The following ZMAT4 variants were observed in gnomAD, a reference collection of about 807,000 sequenced individuals.
ZMAT4 encodes zinc finger matrin-type protein 4.
In ZMAT4, 17 loss-of-function variants were observed where a neutral mutation model predicts 28.7. The observed-to-expected ratio is 0.59, with a 90% CI of 0.41 to 0.89. ZMAT4 has a LOEUF of 0.89. Ranked by LOEUF, ZMAT4 falls within the 40% of genes least tolerant of loss-of-function variation. ZMAT4 has a pLI of 0.00. For synonymous variants in ZMAT4, 117 were observed against 109.2 expected (o/e 1.07, Z -0.44); for missense variants, 240 against 283.8 (o/e 0.85, Z 1.11).
chr8:40,804,110 G>A lies in ZMAT4; in HGVS notation c.102+21465C>T, dbSNP rs540718230. On this transcript the variant is annotated intron_variant, in intron 2 of 6. Coordinates refer to ENST00000297737, the MANE Select transcript of ZMAT4 (RefSeq NM_024645.3). Reference sequence around the variant, plus strand: ...AAGGGATGAACAGACAGAACACAATGGATTCTTAGGGAAATACAGTTACTC... The same window carrying A: ...AAGGGATGAACAGACAGAACACAATAGATTCTTAGGGAAATACAGTTACTC... Among the ~76,000 whole-genome samples the A allele has an allele frequency of 9.9e-5, 15 of 152,222 alleles. No individual in the cohort carries two copies. In the South Asian group the frequency reaches 3.1e-3, roughly 32 times the overall value.
At position 40,616,077 on chromosome 8, in the gene ZMAT4, G is replaced by C. The variant is rs551730172; in HGVS notation, c.578-34816C>G. Among the ~76,000 whole-genome samples, 4 of 152,088 alleles carry C rather than the reference G, an allele frequency of 2.6e-5. No individual in the cohort carries two copies. The South Asian group carries it at 8.3e-4, about 32-fold the overall frequency. ...CAACCCCATCAAAAAGTGGGCAAAG[G>C]ATATGAACAGACACTTTCCAAAAGA... On this transcript the variant is annotated intron_variant, in intron 5 of 6. Transcript: ENST00000297737.
intron 5 of ZMAT4, among the ~76,000 whole-genome samples, chr8:40,640,561 A>T (rs1436559249): frequency 6.6e-6 from 1 of 152,182 alleles, no homozygotes; most frequent in African/African-American, 2.4e-5. Flanking sequence ...TTAAAGATGT[A>T]TCAGAAACTT....
At chr8:40,694,095 G>A (rs1266139913) in intron 4 of ZMAT4, among the ~76,000 whole-genome samples, 1 of 152,048 alleles carries the variant, frequency 6.6e-6, no homozygotes, top group Non-Finnish European at 1.5e-5. Flanking sequence ...TATTATAGAA[G>A]CAATTTCAAG....
rs1817482100 is a variant in ZMAT4 at position 40,861,328 on chromosome 8, A to T, written c.-4-35648T>A. On this transcript the variant is annotated intron_variant, in intron 1 of 6. Coordinates refer to ENST00000297737, the MANE Select transcript of ZMAT4 (RefSeq NM_024645.3). Reference sequence around the variant, plus strand: ...TGACAAAAACAAGCAATGGGGAAAGATTCCCTGTTCAATAAATGGTGCTGG... The same window carrying T: ...TGACAAAAACAAGCAATGGGGAAAGTTTCCCTGTTCAATAAATGGTGCTGG... Among the ~76,000 whole-genome samples, 3 of 152,244 alleles carry T rather than the reference A, an allele frequency of 2.0e-5. No individual in the cohort carries two copies. In the South Asian group the frequency reaches 6.2e-4, roughly 31 times the overall value.
At chr8:40,599,082 A>T (rs1199021735) in intron 5 of ZMAT4, among the ~76,000 whole-genome samples, 2 of 152,206 alleles carry the variant, frequency 1.3e-5, no homozygotes, top group East Asian at 3.8e-4. Flanking sequence ...CCTATTCTAA[A>T]ATACTTCACA....
chr8:40,688,289 C>A (rs1427984989), intron 4 of ZMAT4, among the ~76,000 whole-genome samples: 3 of 152,012 alleles, frequency 2.0e-5, no homozygotes. Context: ...AATCCCATCT[C>A]TACTAAAAAT....
intron 4 of ZMAT4, among the ~76,000 whole-genome samples, chr8:40,681,988 A>C (rs1809187926): frequency 6.6e-6 from 1 of 152,184 alleles, no homozygotes. Context: ...CAACAAAATC[A>C]CTTATACACA....
chr8:40,683,028 T>C (rs1809244123), intron 4 of ZMAT4, among the ~76,000 whole-genome samples: 1 of 152,160 alleles, frequency 6.6e-6, no homozygotes. Context: ...GGCCAGAATC[T>C]AAGGTCCATG....
At chr8:40,555,542 G>A (rs1163605630) in intron 6 of ZMAT4, among the ~76,000 whole-genome samples, 1 of 152,140 alleles carries the variant, frequency 6.6e-6, no homozygotes, top group Non-Finnish European at 1.5e-5. Context: ...CATGAAACAG[G>A]AAGTGGAATT....
Position 40,767,630 on chromosome 8 carries a change from CAG to C in ZMAT4, c.192+9_192+10del. On this transcript the variant is annotated intron_variant, in intron 3 of 6. Transcript: ENST00000297737. Reference sequence around the variant, plus strand: ...ATCATCTGAGGATATCACGTGGTACCAGATACTCACATTTTCTGACCGGAGCC... The same window carrying C: ...ATCATCTGAGGATATCACGTGGTACCATACTCACATTTTCTGACCGGAGCC... 1 of 1,608,630 alleles carries C rather than the reference CAG, an allele frequency of 6.2e-7. No individual in the cohort carries two copies.
At chr8:40,836,492 A>C (rs1816494547) in intron 1 of ZMAT4, among the ~76,000 whole-genome samples, 1 of 152,326 alleles carries the variant, frequency 6.6e-6, no homozygotes, top group Non-Finnish European at 1.5e-5. Flanking sequence ...CAAAGCCTGT[A>C]ATCAGCCCAA....
chr8:40,583,646 C>A (rs756506033), intron 5 of ZMAT4, among the ~76,000 whole-genome samples: 5 of 152,178 alleles, frequency 3.3e-5, no homozygotes, highest in Non-Finnish European at 7.4e-5. Context: ...TCTGACACAG[C>A]CTCAGGAGGT....
intron 1 of ZMAT4, among the ~76,000 whole-genome samples, chr8:40,893,880 A>T (rs1463913199): frequency 6.6e-6 from 1 of 152,084 alleles, no homozygotes; most frequent in East Asian, 1.9e-4. Context: ...TGTGTACTCA[A>T]TGCTTAGCTC....
intron 1 of ZMAT4, among the ~76,000 whole-genome samples, chr8:40,881,433 G>GAGAGAGAAAGAAAGAAAGAA (rs1554497923): frequency 1.4e-5 from 1 of 70,228 alleles, no homozygotes; most frequent in African/African-American, 6.0e-5. Flanking sequence ...AGAAGAAAGA[G>GAGAGAGAAAGAAAGAAAGAA]AGAAAGAAAG....
chr8:40,871,157 G>T (rs1183762940), intron 1 of ZMAT4, among the ~76,000 whole-genome samples: 27 of 152,110 alleles, frequency 1.8e-4, no homozygotes, highest in Admixed American at 1.8e-3. Flanking sequence ...GTGCCTTCCT[G>T]CCCCACAGAG....
intron 6 of ZMAT4, among the ~76,000 whole-genome samples, chr8:40,572,050 A>C (rs1040749316): frequency 6.6e-6 from 1 of 152,198 alleles, no homozygotes; most frequent in Non-Finnish European, 1.5e-5. Context: ...GTTTTCAAAG[A>C]GAACATCTTC....
At chr8:40,661,017 T>A (rs1808170415) in intron 5 of ZMAT4, among the ~76,000 whole-genome samples, 2 of 152,230 alleles carry the variant, frequency 1.3e-5, no homozygotes, top group African/African-American at 2.4e-5. Flanking sequence ...CACATGCCTG[T>A]TAAACAGTAG....
chr8:40,541,101 A>T (rs2118378630), intron 6 of ZMAT4, among the ~76,000 whole-genome samples: 1 of 152,340 alleles, frequency 6.6e-6, no homozygotes, highest in Middle Eastern at 3.4e-3. Context: ...AGATTAAATG[A>T]ATTAATATAT....
At position 40,643,686 on chromosome 8, in the gene ZMAT4, T is replaced by G. The variant is rs376440224; in HGVS notation, c.577+31018A>C. ...AGGAAGCGAGCCCAGCCTGGAAGCATTCTATAGAAAACTCCCCAAAAGATG... is the reference window on the plus strand; with the variant it reads ...AGGAAGCGAGCCCAGCCTGGAAGCAGTCTATAGAAAACTCCCCAAAAGATG... On this transcript the variant is annotated intron_variant, in intron 5 of 6. Coordinates refer to ENST00000297737, the MANE Select transcript of ZMAT4 (RefSeq NM_024645.3). Among the ~76,000 whole-genome samples, 15 of 151,952 alleles carry G rather than the reference T, an allele frequency of 9.9e-5. 1 individual carries two copies. The highest frequency in any genetic ancestry group is 3.6e-4 in the African/African-American group (15 of 41,444).
Sources: allele counts gnomAD v4.1 joint callset (sites outside exome capture counted in the v4.1 genomes callset), GRCh38; gene constraint gnomAD v4.1.1; transcripts MANE v1.5; gene names NCBI Gene and HGNC (gene_info 2026-07-23, HGNC 2026-07-21).